Variants in ARL15 observed in about 807,000 individuals in gnomAD.
The protein encoded by ARL15 is ARF like GTPase 15.
A neutral mutation model predicts 25.2 loss-of-function variants in ARL15; 19 were observed. The observed-to-expected ratio is 0.75, with a 90% CI of 0.53 to 1.10. ARL15 has a LOEUF of 1.10. Among genes scored for constraint, ARL15 ranks in the 50% least tolerant of loss-of-function variants. ARL15 has a pLI of 0.00. For missense variants in ARL15, 220 were observed against 246.0 expected (o/e 0.89, Z 0.71); for synonymous variants, 94 against 86.8 (o/e 1.08, Z -0.46).
chr5:54,206,689 C>A (rs988627781), intron 1 of ARL15, among the ~76,000 whole-genome samples: 1 of 151,826 alleles, frequency 6.6e-6, no homozygotes, highest in Admixed American at 6.6e-5. Flanking sequence ...TTGTGTAAGC[C>A]CAGAGGGGAA....
chr5:54,089,093 G>T (rs535263164), intron 4 of ARL15, among the ~76,000 whole-genome samples: 78 of 152,282 alleles, frequency 5.1e-4, no homozygotes, highest in African/African-American at 1.9e-3. Context: ...TCAAAGTGCT[G>T]TAAAAAGATA....
chr5:54,310,310 G>A (rs1226257205), intron 1 of ARL15, 122 bp downstream of exon 1: 6 of 1,146,718 alleles, frequency 5.2e-6, no homozygotes, highest in African/African-American at 4.7e-5. Flanking sequence ...GGCTGCGGGA[G>A]AAAGAACCCC....
At chr5:53,992,830 G>GCGGGTCAGTAACC (rs199866136) in intron 4 of ARL15, among the ~76,000 whole-genome samples, 2 of 124,058 alleles carry the variant, frequency 1.6e-5, no homozygotes, top group African/African-American at 6.2e-5. Flanking sequence ...GGAGGCCGAG[G>GCGGGTCAGTAACC]TGGGTCGGGA....
chr5:53,888,769 T>C (rs1045985432), intron 4 of ARL15, among the ~76,000 whole-genome samples: 6 of 151,824 alleles, frequency 4.0e-5, no homozygotes, highest in Non-Finnish European at 8.8e-5. Flanking sequence ...CATTGGCCAA[T>C]AGGGGAAAAA....
rs80214781 is a variant in ARL15, at chr5:53,988,304, A to G, written c.463-101591T>C. On this transcript the variant is annotated intron_variant, in intron 4 of 4. Transcript: ENST00000504924. ...AACCAAGTGAGAGCCTGTCTCAAAA[A>G]GAAAAAAAGAAAAAAAGAAAAAAAA... is the stretch of plus-strand genomic sequence containing the variant. 2.6e-3 allele frequency among the ~76,000 whole-genome samples: 383 copies of G among 149,156 alleles called. 2 individuals are homozygous for G. Among genetic ancestry groups the G allele is most frequent in the African/African-American group, 9.0e-3 (367 of 40,722 alleles).
chr5:54,018,601 C>T (rs536236218), intron 4 of ARL15, among the ~76,000 whole-genome samples: 1 of 152,300 alleles, frequency 6.6e-6, no homozygotes, highest in South Asian at 2.1e-4. Flanking sequence ...GGATTTCAAA[C>T]ATCCAAAAAT....
Position 54,087,188 on chromosome 5 carries a change from C to T in ARL15, c.462+26014G>A, listed in dbSNP as rs780335395. Among the ~76,000 whole-genome samples, 4 of 152,134 alleles carry T rather than the reference C, an allele frequency of 2.6e-5. No individual in the cohort carries two copies. In the South Asian group the frequency reaches 6.2e-4, roughly 24 times the overall value. On this transcript the variant is annotated intron_variant, in intron 4 of 4. Coordinates refer to ENST00000504924, the MANE Select transcript of ARL15 (RefSeq NM_019087.3). ...CGTCGCTACTAAAAAATTAGCCAGGCGTGGTGGCAGGTGCCTGTAGTCCCA... is the reference window on the plus strand; with the variant it reads ...CGTCGCTACTAAAAAATTAGCCAGGTGTGGTGGCAGGTGCCTGTAGTCCCA...
chr5:54,017,508 G>A lies in ARL15; in HGVS notation c.462+95694C>T, dbSNP rs115906147. Among the ~76,000 whole-genome samples the A allele has an allele frequency of 2.3e-3, 346 of 150,840 alleles. 1 individual carries two copies. Among genetic ancestry groups the A allele is most frequent in the African/African-American group, 8.2e-3 (335 of 41,036 alleles). On this transcript the variant is annotated intron_variant, in intron 4 of 4. Coordinates refer to ENST00000504924, the MANE Select transcript of ARL15 (RefSeq NM_019087.3). Reference sequence around the variant, plus strand: ...TTCACTACTAGCTGCATTGTTACCAGCTCAGGTTGACATTCCCACACCACC... The same window carrying A: ...TTCACTACTAGCTGCATTGTTACCAACTCAGGTTGACATTCCCACACCACC...
intron 4 of ARL15, among the ~76,000 whole-genome samples, chr5:54,100,500 G>A (rs2112175849): frequency 6.6e-6 from 1 of 152,152 alleles, no homozygotes; most frequent in Non-Finnish European, 1.5e-5. Flanking sequence ...AACACGGTAT[G>A]ACTGCTTAGA....
chr5:54,226,490 G>A (rs575242944), intron 1 of ARL15, among the ~76,000 whole-genome samples: 29 of 152,288 alleles, frequency 1.9e-4, no homozygotes, highest in African/African-American at 4.3e-4. Context: ...ACTGGAAGCC[G>A]TGGTTAGCTA....
At chr5:54,144,178 T>A (rs985866058) in intron 3 of ARL15, among the ~76,000 whole-genome samples, 1 of 152,012 alleles carries the variant, frequency 6.6e-6, no homozygotes, top group Non-Finnish European at 1.5e-5. Context: ...ATATTTGGAA[T>A]TGAGAGGGCT....
chr5:53,999,907 A>G (rs7707547), intron 4 of ARL15, among the ~76,000 whole-genome samples: 42,625 of 151,838 alleles, frequency 0.28, 6,218 homozygotes, highest in East Asian at 0.46. Flanking sequence ...AAAATAAAAT[A>G]AAATAAAAAT....
At chr5:54,171,707 G>A (rs1281056520) in intron 2 of ARL15, 77 bp downstream of exon 2, 2 of 1,456,254 alleles carry the variant, frequency 1.4e-6, no homozygotes, top group Non-Finnish European at 9.2e-7. Context: ...GTAGAAGGGA[G>A]GGGATAAATT....
intron 1 of ARL15, among the ~76,000 whole-genome samples, chr5:54,242,974 A>C (rs1312316073): frequency 6.6e-6 from 1 of 152,250 alleles, no homozygotes; most frequent in Non-Finnish European, 1.5e-5. Context: ...AGATGTAGAC[A>C]ATCTTACCAA....
intron 4 of ARL15, among the ~76,000 whole-genome samples, chr5:53,993,581 A>G (rs1748575491): frequency 6.6e-6 from 1 of 152,034 alleles, no homozygotes; most frequent in Non-Finnish European, 1.5e-5. Context: ...TACCTTGCCT[A>G]TTTCAGCTTT....
At chr5:54,066,286 C>T (rs186268248) in intron 4 of ARL15, among the ~76,000 whole-genome samples, 1 of 152,200 alleles carries the variant, frequency 6.6e-6, no homozygotes, top group Non-Finnish European at 1.5e-5. Flanking sequence ...CGACATAGTG[C>T]ATATATGAAA....
At chr5:53,901,402 A>C (rs1235414604) in intron 4 of ARL15, among the ~76,000 whole-genome samples, 1 of 152,290 alleles carries the variant, frequency 6.6e-6, no homozygotes, top group African/African-American at 2.4e-5. Flanking sequence ...TCCTACCTAT[A>C]TGTCTGTAAG....
intron 4 of ARL15, among the ~76,000 whole-genome samples, chr5:54,058,947 A>G (rs1010231368): frequency 6.6e-6 from 1 of 152,202 alleles, no homozygotes; most frequent in African/African-American, 2.4e-5. Context: ...GGGGCTGGTG[A>G]GACGTCATTA....
At chr5:54,125,676 T>C (rs1753229206) in intron 3 of ARL15, among the ~76,000 whole-genome samples, 1 of 152,218 alleles carries the variant, frequency 6.6e-6, no homozygotes, top group Non-Finnish European at 1.5e-5. Flanking sequence ...AATTATTTTG[T>C]ATGTATTATC....
Sources: allele counts gnomAD v4.1 joint callset (sites outside exome capture counted in the v4.1 genomes callset), GRCh38; gene constraint gnomAD v4.1.1; transcripts MANE v1.5; gene names NCBI Gene and HGNC (gene_info 2026-07-23, HGNC 2026-07-21).